The following MARCHF8 variants were observed in gnomAD, a reference collection of about 807,000 sequenced individuals.
MARCHF8 encodes membrane associated ring-CH-type finger 8, also known as E3 ubiquitin-protein ligase MARCHF8.
Under a neutral mutation model 51.6 loss-of-function variants are expected in MARCHF8, and 40 were observed. The observed-to-expected ratio is 0.77, with a 90% CI of 0.60 to 1.01. MARCHF8 has a LOEUF of 1.01. Ranked by LOEUF, MARCHF8 falls within the 50% of genes least tolerant of loss-of-function variation. The pLI, the probability that MARCHF8 is intolerant of heterozygous loss-of-function variation, is 0.00. For synonymous variants in MARCHF8, 263 were observed against 280.3 expected (o/e 0.94, Z 0.62); for missense variants, 685 against 708.6 (o/e 0.97, Z 0.38).
At chr10:45,562,690 G>GT (rs1449834006) in intron 1 of MARCHF8, among the ~76,000 whole-genome samples, 1 of 151,988 alleles carries the variant, frequency 6.6e-6, no homozygotes, top group Non-Finnish European at 1.5e-5. Flanking sequence ...TAGCAAAACA[G>GT]AAAATGAGCT....
At chr10:45,501,335 A>AC (rs1196535562) in intron 2 of MARCHF8, among the ~76,000 whole-genome samples, 1 of 152,138 alleles carries the variant, frequency 6.6e-6, no homozygotes, top group Non-Finnish European at 1.5e-5. Flanking sequence ...ACCAGACATA[A>AC]CCATCAATGG....
At chr10:45,582,044 A>T (rs1446695992) in intron 1 of MARCHF8, among the ~76,000 whole-genome samples, 1 of 152,198 alleles carries the variant, frequency 6.6e-6, no homozygotes, top group Non-Finnish European at 1.5e-5. Context: ...ATGTTTTTTA[A>T]AATTATTTTA....
intron 2 of MARCHF8, among the ~76,000 whole-genome samples, chr10:45,515,057 T>A (rs35504302): frequency 6.6e-6 from 1 of 152,200 alleles, no homozygotes; most frequent in Non-Finnish European, 1.5e-5. Flanking sequence ...TTTTCCTGGT[T>A]TCAGGCTATA....
chr10:45,557,237 C>T (rs1360817004), intron 1 of MARCHF8, among the ~76,000 whole-genome samples: 1 of 147,742 alleles, frequency 6.8e-6, no homozygotes, highest in Non-Finnish European at 1.5e-5. Flanking sequence ...AAGCGATTCT[C>T]CTTGCTTCAG....
intron 1 of MARCHF8, among the ~76,000 whole-genome samples, chr10:45,571,047 A>G (rs573103970): frequency 1.1e-4 from 16 of 152,198 alleles, no homozygotes; most frequent in Non-Finnish European, 2.2e-4. Context: ...ACTTTTATAG[A>G]AATTAGGCTT....
chr10:45,489,496 C>T, intron 2 of MARCHF8, 79 bp from the exon 3 acceptor site: 2 of 1,261,896 alleles, frequency 1.6e-6, no homozygotes, highest in South Asian at 1.2e-5. Context: ...TCACAACAAC[C>T]CTACTGACAA....
chr10:45,545,157 A>G (rs896359657), intron 1 of MARCHF8, among the ~76,000 whole-genome samples: 2 of 152,100 alleles, frequency 1.3e-5, no homozygotes, highest in African/African-American at 4.8e-5. Context: ...AGAATGTTAC[A>G]TTTATTGAGT....
chr10:45,494,283 C>A (rs1054650113), intron 2 of MARCHF8, among the ~76,000 whole-genome samples: 7 of 152,152 alleles, frequency 4.6e-5, no homozygotes, highest in Admixed American at 2.0e-4. Flanking sequence ...CTCACATAGA[C>A]CAAATACACC....
chr10:45,471,128 C>T (rs1034894983), intron 3 of MARCHF8, among the ~76,000 whole-genome samples: 4 of 152,216 alleles, frequency 2.6e-5, no homozygotes, highest in African/African-American at 9.6e-5. Flanking sequence ...TTAAAAACTA[C>T]TGAATGCTAA....
intron 1 of MARCHF8, among the ~76,000 whole-genome samples, chr10:45,580,285 G>A (rs1244002691): frequency 6.6e-6 from 1 of 152,032 alleles, no homozygotes; most frequent in African/African-American, 2.4e-5. Flanking sequence ...TTTACAAAAT[G>A]GGCAGTTAGG....
chr10:45,543,005 T>G (rs1278097544), intron 1 of MARCHF8, among the ~76,000 whole-genome samples: 1 of 152,224 alleles, frequency 6.6e-6, no homozygotes, highest in African/African-American at 2.4e-5. Context: ...ACACTCACAT[T>G]CAACATTTCT....
At position 45,552,935 on chromosome 10, in the gene MARCHF8, A is replaced by T. The variant is rs2044211513; in HGVS notation, c.-78-19646T>A. 5.9e-5 allele frequency among the ~76,000 whole-genome samples: 9 copies of T among 152,250 alleles called. No individual in the cohort carries two copies. The South Asian group carries it at 1.9e-3, about 31-fold the overall frequency. ...CACAAATGGACAAACATGTGGCTAC[A>T]AAAGTAAGAAGTTACTATTTCTATA... On this transcript the variant is annotated intron_variant, in intron 1 of 6. Coordinates refer to the MARCHF8 transcript ENST00000319836.
upstream of MARCHF8, among the ~76,000 whole-genome samples, chr10:45,540,319 C>T (rs1268739612): frequency 6.6e-6 from 1 of 152,182 alleles, no homozygotes; most frequent in Admixed American, 6.5e-5. Context: ...GGCTTAGCCA[C>T]AGTAACCAAA....
chr10:45,469,250 T>C (rs899704301), intron 3 of MARCHF8, among the ~76,000 whole-genome samples: 20 of 152,078 alleles, frequency 1.3e-4, no homozygotes, highest in Non-Finnish European at 2.8e-4. Context: ...TGGAGGGACA[T>C]GGACTTGTCA....
chr10:45,494,940 T>G (rs764779141), intron 2 of MARCHF8, among the ~76,000 whole-genome samples: 16 of 152,038 alleles, frequency 1.1e-4, no homozygotes, highest in Non-Finnish European at 2.1e-4. Context: ...GCCAACATGG[T>G]GAAACCCCAT....
chr10:45,532,627 A>G (rs2043905732), intron 2 of MARCHF8, among the ~76,000 whole-genome samples: 1 of 152,188 alleles, frequency 6.6e-6, no homozygotes, highest in Non-Finnish European at 1.5e-5. Flanking sequence ...CCTCACCAGA[A>G]TCCAACCATG....
intron 4 of MARCHF8, 70 bp downstream of exon 4, chr10:45,464,169 G>A: frequency 6.3e-7 from 1 of 1,577,080 alleles, no homozygotes; most frequent in Non-Finnish European, 8.7e-7. Flanking sequence ...GGAAATTCAA[G>A]AACCTACAGA....
intron 7 of MARCHF8, 140 bp downstream of exon 7, chr10:45,458,980 A>G: frequency 1.1e-5 from 11 of 1,004,230 alleles, no homozygotes; most frequent in Non-Finnish European, 1.3e-5. Context: ...AAATGCCAAA[A>G]AGGAGGCTAG....
In MARCHF8 at chr10:45,519,102, AAT is replaced by A. The variant is rs773682097; in HGVS notation, c.102+14006_102+14007del. Among the ~76,000 whole-genome samples, 5 of 152,188 alleles carry A rather than the reference AAT, an allele frequency of 3.3e-5. No individual in the cohort carries two copies. The East Asian group carries it at 5.8e-4, about 18-fold the overall frequency. Reference sequence around the variant, plus strand: ...GCTGTCTTTTTCAATTTGATCTTAAAATGAAAATATAAAATATGTGAGTAAAA... The same window carrying A: ...GCTGTCTTTTTCAATTTGATCTTAAAGAAAATATAAAATATGTGAGTAAAA... On this transcript the variant is annotated intron_variant, in intron 2 of 7. Transcript: ENST00000453424.
Sources: allele counts gnomAD v4.1 joint callset (sites outside exome capture counted in the v4.1 genomes callset), GRCh38; gene constraint gnomAD v4.1.1; transcripts MANE v1.5; gene names NCBI Gene and HGNC (gene_info 2026-07-23, HGNC 2026-07-21).